The following MS4A8 variants were observed in gnomAD, a reference collection of about 807,000 sequenced individuals.
The protein encoded by MS4A8 is membrane spanning 4-domains A8.
A neutral mutation model predicts 23.7 loss-of-function variants in MS4A8; 27 were observed. The observed-to-expected ratio is 1.14, with a 90% confidence interval of 0.84 to 1.57. The LOEUF (loss-of-function observed/expected upper bound fraction) is 1.57, where lower values mean the gene tolerates loss of function less well. Ranked by LOEUF, MS4A8 falls within the 40% of genes most tolerant of loss-of-function variation. The pLI is 0.00. For synonymous variants in MS4A8, 138 were observed against 126.3 expected (o/e 1.09, Z -0.62); for missense variants, 301 against 311.4 (o/e 0.97, Z 0.25).
intron 3 of MS4A8, among the ~76,000 whole-genome samples, chr11:60,704,853 CAA>C (rs2088241100): frequency 8.0e-4 from 14 of 17,586 alleles, no homozygotes; most frequent in South Asian, 4.8e-3. Flanking sequence ...CACACACATA[CAA>C]ACAAACACAC....
intron 2 of MS4A8, among the ~76,000 whole-genome samples, chr11:60,702,330 A>G (rs2088211985): frequency 6.6e-6 from 1 of 152,212 alleles, no homozygotes; most frequent in Non-Finnish European, 1.5e-5. Flanking sequence ...GAAAATGAAA[A>G]GCAGAATGAT....
chr11:60,714,903 TGA>T (rs2088329732), intron 5 of MS4A8, 116 bp from the exon 6 acceptor site: 3 of 719,792 alleles, frequency 4.2e-6, no homozygotes, highest in East Asian at 5.1e-5. Flanking sequence ...CCCACGAGGC[TGA>T]GAGAGGATAG....
At chr11:60,709,293 G>A (rs896652638) in intron 5 of MS4A8, 1 of 172,500 alleles carries the variant, frequency 5.8e-6, no homozygotes, top group Non-Finnish European at 1.3e-5. Flanking sequence ...TTGACCCATG[G>A]ATCATAATTC....
intron 2 of MS4A8, 134 bp downstream of exon 2, chr11:60,701,213 G>C (rs2088201399): frequency 1.2e-6 from 1 of 824,310 alleles, no homozygotes; most frequent in Non-Finnish European, 2.0e-6. Context: ...GCCAAGCACA[G>C]GTCTATTAGA....
At position 60,700,950 on chromosome 11, in the gene MS4A8, G is replaced by A. The variant is rs1398774909; in HGVS notation, c.90G>A (p.Met30Ile). The A allele has an allele frequency of 6.2e-7, 1 of 1,614,086 alleles. No homozygotes were observed. Among genetic ancestry groups the A allele is most frequent in the Non-Finnish European group, 8.5e-7 (1 of 1,180,046 alleles). The change falls in exon 2 of 7, where the codon ATG becomes ATA. Residue 30 changes from methionine (M) to isoleucine (I), a missense_variant. Transcript: ENST00000300226. ...HNGYPVTPGIMSHVPLYPNSQ... is the reference protein window; with the variant it reads ...HNGYPVTPGIISHVPLYPNSQ... ...GTTATCCTGTGACCCCAGGAATTAT[G>A]TCTCACGTGCCCCTGTATCCAAACA...
intron 4 of MS4A8, 30 bp from the exon 5 acceptor site, chr11:60,708,620 G>T: frequency 6.8e-7 from 1 of 1,479,420 alleles, no homozygotes; most frequent in South Asian, 1.5e-5. Flanking sequence ...AGCTTTTCTC[G>T]CCCATCCTGA....
At chr11:60,715,261 G>T in intron 6 of MS4A8, 49 bp from the exon 7 acceptor site, 7 of 1,566,070 alleles carry the variant, frequency 4.5e-6, no homozygotes, top group Non-Finnish European at 6.2e-6. Flanking sequence ...GGCCTTTGGT[G>T]CATGGCCCGT....
chr11:60,701,677 T>C (rs1435727623), intron 2 of MS4A8: 1 of 173,546 alleles, frequency 5.8e-6, no homozygotes, highest in East Asian at 1.5e-4. Context: ...GAAATTTGTA[T>C]CTGCCAAATT....
chr11:60,708,657 G>T lies in MS4A8; in HGVS notation c.410G>T (p.Gly137Val). 6.5e-7 allele frequency: 1 copy of T among 1,532,114 alleles called. No homozygotes were observed. Among genetic ancestry groups the T allele is most frequent in the South Asian group, 1.3e-5 (1 of 75,964 alleles). The allele number at this position is 1,532,114 out of a possible 1,614,324, so 94.9% of individuals were successfully genotyped here. A position where few individuals can be genotyped will look rare whatever the true frequency, so the allele number is the denominator to read the frequency against. Residue 137 changes from glycine to valine, a missense_variant, in exon 5 of 7, where the codon GGC becomes GTC. Physicochemically the swap from Gly to Val is moderately radical, Grantham distance 109 (BLOSUM62 -3). Coordinates refer to ENST00000300226, the MANE Select transcript of MS4A8 (RefSeq NM_031457.2). ...NQPYSYCLLS[G>V]SLGLNIVSAI... ...CCTCTGTGTCTTCTTCAGCTGTCTGGCAGTTTGGGCTTGAACATCGTCAGT... is the reference window on the plus strand; with the variant it reads ...CCTCTGTGTCTTCTTCAGCTGTCTGTCAGTTTGGGCTTGAACATCGTCAGT...
intron 3 of MS4A8, among the ~76,000 whole-genome samples, chr11:60,705,413 C>T (rs1422336412): frequency 2.0e-5 from 3 of 152,240 alleles, no homozygotes; most frequent in Admixed American, 6.5e-5. Flanking sequence ...CTGCTGAGTC[C>T]CTTCAGCCCT....
At chr11:60,708,540 G>A in intron 4 of MS4A8, 110 bp from the exon 5 acceptor site, 1 of 1,194,426 alleles carries the variant, frequency 8.4e-7, no homozygotes, top group Non-Finnish European at 1.1e-6. Flanking sequence ...TTACATATAT[G>A]TTAACACAAT....
At chr11:60,713,784 T>A (rs946042208) in intron 5 of MS4A8, among the ~76,000 whole-genome samples, 51 of 151,970 alleles carry the variant, frequency 3.4e-4, no homozygotes, top group Admixed American at 8.5e-4. Flanking sequence ...GACTATCACA[T>A]GGGGAGAAAC....
chr11:60,704,808 CT>C (rs1020987287), intron 3 of MS4A8, among the ~76,000 whole-genome samples: 6 of 147,700 alleles, frequency 4.1e-5, no homozygotes, highest in South Asian at 2.2e-4. Context: ...CAGTGTCCCC[CT>C]GCCCACACAC....
At chr11:60,712,808 A>T (rs540748912) in intron 5 of MS4A8, among the ~76,000 whole-genome samples, 3 of 151,986 alleles carry the variant, frequency 2.0e-5, no homozygotes, top group Non-Finnish European at 2.9e-5. Flanking sequence ...AAAAAAAATT[A>T]AAAAATCATA....
At chr11:60,712,211 C>A in intron 5 of MS4A8, 1 of 473,048 alleles carries the variant, frequency 2.1e-6, no homozygotes, top group Non-Finnish European at 2.8e-6. Context: ...CTCTCTAAAT[C>A]CCTTCATGAC....
intron 3 of MS4A8, 57 bp downstream of exon 3, chr11:60,703,557 G>A: frequency 6.3e-7 from 1 of 1,588,816 alleles, no homozygotes; most frequent in Non-Finnish European, 8.6e-7. Flanking sequence ...AGGCACTCAA[G>A]GCCACCTTGC....
intron 4 of MS4A8, 96 bp downstream of exon 4, chr11:60,707,143 C>CT: frequency 9.1e-7 from 1 of 1,101,788 alleles, no homozygotes; most frequent in South Asian, 1.3e-5. Context: ...CTCCCCCAGC[C>CT]TTGCACCTAC....
intron 3 of MS4A8, among the ~76,000 whole-genome samples, chr11:60,704,369 C>T (rs2088234780): frequency 6.6e-6 from 1 of 152,148 alleles, no homozygotes; most frequent in Non-Finnish European, 1.5e-5. Context: ...GATCCACTTG[C>T]CTCAGCCTCC....
intron 6 of MS4A8, 43 bp from the exon 7 acceptor site, chr11:60,715,267 C>T: frequency 1.9e-6 from 3 of 1,572,200 alleles, no homozygotes; most frequent in Non-Finnish European, 2.6e-6. Context: ...TGGTGCATGG[C>T]CCGTCCTTCT....
Sources: allele counts gnomAD v4.1 joint callset (sites outside exome capture counted in the v4.1 genomes callset), GRCh38; gene constraint gnomAD v4.1.1; transcripts MANE v1.5; gene names NCBI Gene and HGNC (gene_info 2026-07-23, HGNC 2026-07-21).